Variants in MDN1 observed in about 807,000 individuals in gnomAD.
The protein encoded by MDN1 is midasin AAA ATPase 1.
A neutral mutation model predicts 669.2 loss-of-function variants in MDN1; 266 were observed. The ratio of observed to expected loss-of-function variants is 0.40; its 90% CI spans 0.36 to 0.44. The LOEUF is 0.44. Ranked by LOEUF, MDN1 falls within the 20% of genes least tolerant of loss-of-function variation. MDN1 has a pLI of 1.00. For synonymous variants in MDN1, 2,385 were observed against 2,457.1 expected (o/e 0.97, Z 0.87); for missense variants, 5,940 against 6,754.0 (o/e 0.88, Z 4.22).
At chr6:89,699,510 GAA>G in intron 58 of MDN1, 89 bp downstream of exon 58, 1 of 1,419,738 alleles carries the variant, frequency 7.0e-7, no homozygotes, top group East Asian at 2.4e-5. Flanking sequence ...GGAATTTTGA[GAA>G]TAAATAAAAT....
At chr6:89,682,737 C>CAAAAAAAAAAAAA (rs1562082853) in intron 73 of MDN1, among the ~76,000 whole-genome samples, 1 of 87,962 alleles carries the variant, frequency 1.1e-5, no homozygotes, top group Non-Finnish European at 2.4e-5. Flanking sequence ...ACTAAAAGTT[C>CAAAAAAAAAAAAA]AAGACCAGCC....
At chr6:89,676,006 T>TG in intron 77 of MDN1, 96 bp downstream of exon 77, 1 of 1,054,592 alleles carries the variant, frequency 9.5e-7, no homozygotes, top group South Asian at 1.4e-5. Flanking sequence ...ACTAACAGGC[T>TG]GTTATCACTT....
chr6:89,771,847 C>T (rs1399122208), intron 14 of MDN1, among the ~76,000 whole-genome samples: 2 of 152,096 alleles, frequency 1.3e-5, no homozygotes, highest in East Asian at 3.9e-4. Flanking sequence ...CCTGGGACTA[C>T]AGGCATATAC....
chr6:89,715,692 T>C lies in MDN1; in HGVS notation c.6821A>G (p.Asp2274Gly). Residue 2274 changes from aspartate (D) to glycine (G), a missense_variant, in exon 45 of 102, where the codon GAT becomes GGT. Physicochemically the swap from Asp to Gly is moderately conservative, Grantham distance 94. Transcript: ENST00000369393. ...VLTISERGMIDGSTPTITPNP... is the reference protein window; with the variant it reads ...VLTISERGMIGGSTPTITPNP... The stretch of plus-strand genomic sequence containing the variant: ...TGGTGTTATCGTGGGAGTGGATCCA[T>C]CTATCATTCCTCTCTCACTAATAGT... 2 of 1,613,356 alleles carry C rather than the reference T, an allele frequency of 1.2e-6. No homozygotes were observed. Among genetic ancestry groups the C allele is most frequent in the African/African-American group, 1.3e-5 (1 of 75,034 alleles).
At chr6:89,736,093 T>C (rs189551585) in intron 33 of MDN1, among the ~76,000 whole-genome samples, 1 of 152,360 alleles carries the variant, frequency 6.6e-6, no homozygotes, top group East Asian at 1.9e-4. Flanking sequence ...TTTCACAATT[T>C]TTTAAAGAAG....
At chr6:89,683,779 A>G (rs1408644039) in intron 72 of MDN1, 52 bp downstream of exon 72, 17 of 1,427,748 alleles carry the variant, frequency 1.2e-5, no homozygotes, top group Non-Finnish European at 1.5e-5. Flanking sequence ...GCTCCCTACC[A>G]CACAAAATTC....
rs1812334200 is a variant in MDN1, at chr6:89,690,845, CACAG to C, written c.10588-15_10588-12del. On this transcript the variant is annotated splice_polypyrimidine_tract_variant and intron_variant, in intron 63 of 101. Coordinates refer to ENST00000369393, the MANE Select transcript of MDN1 (RefSeq NM_014611.3). Reference sequence around the variant, plus strand: ...CTCACTGATGATTTCCTGAAAGTCACACAGACAGAAAGAAGCTGAGCTTTCTTTG... The same window carrying C: ...CTCACTGATGATTTCCTGAAAGTCACACAGAAAGAAGCTGAGCTTTCTTTG... 1.2e-6 allele frequency: 2 copies of C among 1,613,266 alleles called. No individual in the cohort carries two copies. Among genetic ancestry groups the C allele is most frequent in the South Asian group, 1.1e-5 (1 of 90,804 alleles).
intron 94 of MDN1, 27 bp from the exon 95 acceptor site, chr6:89,652,308 G>A (rs748999684): frequency 6.3e-7 from 1 of 1,597,502 alleles, no homozygotes; most frequent in South Asian, 1.1e-5. Flanking sequence ...ATAGATAAGA[G>A]GTGGCCCAGG....
At chr6:89,790,889 GGCATAT>G (rs1234203969) in intron 5 of MDN1, among the ~76,000 whole-genome samples, 1 of 152,132 alleles carries the variant, frequency 6.6e-6, no homozygotes, top group African/African-American at 2.4e-5. Context: ...TGGACATGGT[GGCATAT>G]GCCTGTAATC....
At chr6:89,815,740 G>A (rs1162251284) in intron 1 of MDN1, among the ~76,000 whole-genome samples, 1 of 152,216 alleles carries the variant, frequency 6.6e-6, no homozygotes, top group African/African-American at 2.4e-5. Context: ...GCTGGCATCA[G>A]ATGTTTGAGA....
intron 93 of MDN1, among the ~76,000 whole-genome samples, chr6:89,653,641 C>T (rs1303935471): frequency 6.6e-6 from 1 of 152,138 alleles, no homozygotes; most frequent in African/African-American, 2.4e-5. Flanking sequence ...AGGAACTAAG[C>T]AGAAGAAAAA....
intron 96 of MDN1, 63 bp downstream of exon 96, chr6:89,650,669 C>A: frequency 7.6e-7 from 1 of 1,312,298 alleles, no homozygotes; most frequent in Non-Finnish European, 1.1e-6. Flanking sequence ...CCGCGTTCAA[C>A]AGAATCAATG....
chr6:89,672,189 C>A lies in MDN1; in HGVS notation c.13794+11G>T. 6.4e-7 allele frequency: 1 copy of A among 1,565,130 alleles called. No homozygotes were observed. On this transcript the variant is annotated intron_variant, in intron 82 of 101. Transcript: ENST00000369393. ...TGAAGAGGAAGAAGTTTGTAAAGAA[C>A]AGTTAGTTACCAGGTGCTTTGCTGC...
intron 15 of MDN1, among the ~76,000 whole-genome samples, chr6:89,766,647 C>T (rs1210173725): frequency 6.6e-6 from 1 of 152,124 alleles, no homozygotes. Context: ...TACACTGGAA[C>T]CACATGTAAG....
intron 51 of MDN1, among the ~76,000 whole-genome samples, chr6:89,707,953 G>A (rs1324822212): frequency 2.0e-5 from 3 of 152,168 alleles, no homozygotes; most frequent in South Asian, 2.1e-4. Flanking sequence ...AGAGATTGCT[G>A]AGGAAGAGAC....
At chr6:89,670,008 T>C (rs1810533830) in intron 83 of MDN1, among the ~76,000 whole-genome samples, 1 of 151,056 alleles carries the variant, frequency 6.6e-6, no homozygotes, top group Non-Finnish European at 1.5e-5. Flanking sequence ...ATCGAGACCG[T>C]CCTGGCCAAT....
chr6:89,772,240 C>G (rs1383836164), intron 14 of MDN1, among the ~76,000 whole-genome samples: 1 of 152,082 alleles, frequency 6.6e-6, no homozygotes. Context: ...GGGCTCGCCA[C>G]TGCACTCCAG....
chr6:89,648,629 A>G (rs1290600367), intron 97 of MDN1, among the ~76,000 whole-genome samples: 1 of 151,952 alleles, frequency 6.6e-6, no homozygotes, highest in Non-Finnish European at 1.5e-5. Flanking sequence ...GCACTTTGGG[A>G]GGCCAAGGAG....
In MDN1 at chr6:89,717,566, A is replaced by G. The variant is rs192819491; in HGVS notation, c.6584-757T>C. On this transcript the variant is annotated intron_variant, in intron 43 of 101. Coordinates refer to ENST00000369393, the MANE Select transcript of MDN1 (RefSeq NM_014611.3). ...AATAGAAATTCATAACTCAATGGTG[A>G]GTTTTACAATACCCATTTAAAAATA... is the stretch of plus-strand genomic sequence containing the variant. Among the ~76,000 whole-genome samples the G allele has an allele frequency of 8.5e-5, 13 of 152,372 alleles. No homozygotes were observed. The East Asian group carries it at 2.5e-3, about 29-fold the overall frequency.
Sources: gnomAD v4.1 joint callset for allele counts (sites outside exome capture counted in the v4.1 genomes callset) on GRCh38, gnomAD v4.1.1 for gene constraint, MANE v1.5 for transcripts, NCBI Gene and HGNC (gene_info 2026-07-23, HGNC 2026-07-21) for gene names.